The following CELF1 variants were observed in gnomAD, a reference collection of about 807,000 sequenced individuals.
CELF1 encodes CUGBP Elav-like family member 1, also known as 50 kDa nuclear polyadenylated RNA-binding protein.
A neutral mutation model predicts 61.8 loss-of-function variants in CELF1; 10 were observed. The ratio of observed to expected loss-of-function variants is 0.16; its 90% CI spans 0.10 to 0.27. The LOEUF (loss-of-function observed/expected upper bound fraction) is 0.27, where lower values mean the gene tolerates loss of function less well. Among genes scored for constraint, CELF1 ranks in the 10% least tolerant of loss-of-function variants. The pLI, the probability that CELF1 is intolerant of heterozygous loss-of-function variation, is 1.00. For synonymous variants in CELF1, 236 were observed against 225.1 expected (o/e 1.05, Z -0.43); for missense variants, 380 against 639.1 (o/e 0.59, Z 4.37).
intron 1 of CELF1, among the ~76,000 whole-genome samples, chr11:47,531,012 C>T (rs755137735): frequency 3.9e-5 from 6 of 152,124 alleles, no homozygotes; most frequent in Admixed American, 6.5e-5. Flanking sequence ...TTTGGGAGGC[C>T]GAGGCGGATG....
chr11:47,519,592 G>A lies in CELF1; in HGVS notation c.-153-18660C>T, dbSNP rs186597521. ...CTCCTAAAGGTGCTTCTCGCCGGGC[G>A]TGGTGGCTCACGCCTATAATCCCAG... On this transcript the variant is annotated intron_variant, in intron 1 of 14. Transcript: ENST00000687097. Among the ~76,000 whole-genome samples, 137 of 152,190 alleles carry A rather than the reference G, an allele frequency of 9.0e-4. 3 individuals carry two copies. Among genetic ancestry groups the A allele is most frequent in the Admixed American group, 8.6e-3 (131 of 15,284 alleles).
At position 47,466,892 on chromosome 11, in the gene CELF1, G is replaced by A. The variant is rs939387144; in HGVS notation, c.*5338C>T. 6.6e-6 allele frequency: 1 copy of A among 152,216 alleles called. No individual in the cohort carries two copies. The highest frequency in any genetic ancestry group is 1.5e-5 in the Non-Finnish European group (1 of 68,076). The allele number at this position is 152,216 out of a possible 1,614,324, so 9.4% of individuals were successfully genotyped here. On this transcript the variant is annotated 3_prime_UTR_variant, in exon 15 of 15. Coordinates refer to ENST00000687097, the MANE Select transcript of CELF1 (RefSeq NM_001376376.1). ...AGCAGTCTCTCAGGCTGGGGTTTCT[G>A]GCCTCTTTCCATCCAATCACCCCTT...
intron 3 of CELF1, chr11:47,496,081 G>C: frequency 1.3e-6 from 1 of 797,388 alleles, no homozygotes; most frequent in Non-Finnish European, 1.5e-6. Flanking sequence ...AGAATAAAAA[G>C]GGCCCAGAAA....
intron 1 of CELF1, among the ~76,000 whole-genome samples, chr11:47,552,222 T>A (rs939910636): frequency 6.6e-6 from 1 of 152,140 alleles, no homozygotes; most frequent in Non-Finnish European, 1.5e-5. Flanking sequence ...CACATTCCCC[T>A]CAACTATGGG....
rs1248741699 is a variant in CELF1, at chr11:47,466,806, G to A, written c.*5424C>T. 1 of 152,206 alleles carries A rather than the reference G, an allele frequency of 6.6e-6. No homozygotes were observed. The highest frequency in any genetic ancestry group is 1.5e-5 in the Non-Finnish European group (1 of 68,032). 9.4% of individuals were successfully genotyped at this position (152,206 alleles called of 1,614,324 possible). On this transcript the variant is annotated 3_prime_UTR_variant, in exon 15 of 15. Coordinates refer to ENST00000687097, the MANE Select transcript of CELF1 (RefSeq NM_001376376.1). ...ACACTGCTTCTCAATACACAGGAAG[G>A]GGAGCCTCAGTGCCTCCTGCCAACA...
chr11:47,495,271 A>G (rs1280314858), intron 3 of CELF1, among the ~76,000 whole-genome samples: 1 of 152,202 alleles, frequency 6.6e-6, no homozygotes, highest in African/African-American at 2.4e-5. Flanking sequence ...ATGCTAAGTA[A>G]AAGAAACCAG....
intron 5 of CELF1, 76 bp from the exon 6 acceptor site, chr11:47,486,874 C>T (rs1479620284): frequency 8.9e-7 from 1 of 1,126,012 alleles, no homozygotes; most frequent in African/African-American, 1.5e-5. Context: ...TCTAAAATAC[C>T]AGAACTAGAG....
chr11:47,494,350 CATT>C (rs767647582), intron 3 of CELF1: 305 of 977,888 alleles, frequency 3.1e-4, no homozygotes, highest in Non-Finnish European at 3.6e-4. Context: ...TAGTTACTCT[CATT>C]GTTGCTTCTG....
chr11:47,496,780 G>A (rs545517843), intron 3 of CELF1, among the ~76,000 whole-genome samples: 1 of 152,304 alleles, frequency 6.6e-6, no homozygotes, highest in South Asian at 2.1e-4. Context: ...CAGAAACAGA[G>A]AAGAGATCAT....
chr11:47,474,071 G>A (rs374887604), intron 13 of CELF1, among the ~76,000 whole-genome samples: 1 of 151,992 alleles, frequency 6.6e-6, no homozygotes, highest in African/African-American at 2.4e-5. Flanking sequence ...CATGCCTGGC[G>A]TATTTTTAGT....
intron 1 of CELF1, among the ~76,000 whole-genome samples, chr11:47,534,918 GA>G (rs1313796705): frequency 2.0e-5 from 3 of 151,802 alleles, no homozygotes; most frequent in African/African-American, 7.3e-5. Flanking sequence ...GATATCTTAA[GA>G]AAACAGATCA....
At chr11:47,564,261 C>G (rs1349257100) in intron 2 of CELF1, 2 of 151,418 alleles carry the variant, frequency 1.3e-5, no homozygotes, top group Admixed American at 6.6e-5. Flanking sequence ...GATGGATCAC[C>G]TGAGGTCAGG....
intron 1 of CELF1, among the ~76,000 whole-genome samples, chr11:47,545,870 C>CGTGT (rs71042682): frequency 3.1e-4 from 28 of 91,790 alleles, no homozygotes; most frequent in African/African-American, 1.2e-3. Flanking sequence ...TGTGTGTCTG[C>CGTGT]GTGTGTGTGT....
upstream of CELF1, among the ~76,000 whole-genome samples, chr11:47,553,910 TTTG>T (rs746699280): frequency 4.6e-5 from 7 of 151,724 alleles, no homozygotes; most frequent in Admixed American, 1.3e-4. Context: ...AGCAGTACAA[TTTG>T]TTGTTGTTGT....
intron 3 of CELF1, among the ~76,000 whole-genome samples, chr11:47,491,292 A>G (rs922703670): frequency 6.6e-6 from 1 of 151,858 alleles, no homozygotes; most frequent in Non-Finnish European, 1.5e-5. Flanking sequence ...CCTCCTGAGT[A>G]GCTGGGATTA....
chr11:47,538,523 C>G (rs971387710), intron 1 of CELF1, among the ~76,000 whole-genome samples: 1 of 151,686 alleles, frequency 6.6e-6, no homozygotes, highest in African/African-American at 2.4e-5. Flanking sequence ...GGCACCTGTA[C>G]TCCCAGCTAC....
At chr11:47,483,092 G>A (rs551289235) in intron 8 of CELF1, among the ~76,000 whole-genome samples, 45 of 141,238 alleles carry the variant, frequency 3.2e-4, no homozygotes, top group Admixed American at 6.3e-4. Context: ...CAAAACGGTC[G>A]CTATTAAAAA....
chr11:47,500,176 C>T (rs561045741), intron 2 of CELF1, among the ~76,000 whole-genome samples: 2 of 151,624 alleles, frequency 1.3e-5, no homozygotes, highest in Non-Finnish European at 2.9e-5. Flanking sequence ...CATACAACTG[C>T]CTACAGTTGA....
In CELF1 at chr11:47,476,867, G is replaced by A. The variant is rs770593497; in HGVS notation, c.1066C>T (p.Leu356Phe). ...TTACCTGCCAAAGAGCCAACATTGA[G>A]GCCAGCCGTTGCTCCAGCTAATGTC... ...LQTLAGATAG[L>F]NVGSLAGMAA... Residue 356 changes from leucine to phenylalanine, a missense_variant, in exon 12 of 15, where the codon CTC becomes TTC. By Grantham distance (22) the Leu-to-Phe change is conservative (BLOSUM62 0). Transcript: ENST00000687097. 6.2e-7 allele frequency: 1 copy of A among 1,614,132 alleles called. No homozygotes were observed.
Sources: gnomAD v4.1 joint callset for allele counts (sites outside exome capture counted in the v4.1 genomes callset) on GRCh38, gnomAD v4.1.1 for gene constraint, MANE v1.5 for transcripts, NCBI Gene and HGNC (gene_info 2026-07-23, HGNC 2026-07-21) for gene names.